Variants in KLF17 observed in about 807,000 individuals in gnomAD.
KLF17 encodes KLF transcription factor 17, also known as Krueppel-like factor 17.
In KLF17, 31 loss-of-function variants were observed where a neutral mutation model predicts 34.2. The ratio of observed to expected loss-of-function variants is 0.91; its 90% CI spans 0.68 to 1.22. The LOEUF is 1.22. KLF17 is among the 50% of genes most tolerant of loss of function. The pLI, the probability that KLF17 is intolerant of heterozygous loss-of-function variation, is 0.00. For missense variants in KLF17, 478 were observed against 505.2 expected (o/e 0.95, Z 0.52); for synonymous variants, 179 against 186.7 (o/e 0.96, Z 0.34).
chr1:44,099,838 AAAGAAAG>A, the KLF17 span, among the ~76,000 whole-genome samples: 1 of 27,346 alleles, frequency 3.7e-5, no homozygotes, highest in Non-Finnish European at 6.4e-5. Flanking sequence ...AGAAAGAAAG[AAAGAAAG>A]AAAGAAAGAA....
chr1:44,117,465 A>ATTTTAT (rs869175404), upstream of KLF17: 7 of 63,422 alleles, frequency 1.1e-4, no homozygotes, highest in Non-Finnish European at 2.2e-4. Flanking sequence ...ATTTTATTTT[A>ATTTTAT]TTTATTTTAT....
the KLF17 span, among the ~76,000 whole-genome samples, chr1:44,057,021 G>A: frequency 1.3e-5 from 2 of 151,954 alleles, no homozygotes; most frequent in African/African-American, 4.8e-5. Flanking sequence ...ATTCCTGCGT[G>A]GAAACCATAG....
the KLF17 span, chr1:44,104,572 G>T: frequency 3.0e-6 from 2 of 660,870 alleles, no homozygotes; most frequent in East Asian, 2.8e-5. Flanking sequence ...GGTTGACTGT[G>T]ACAGCAGTGA....
the KLF17 span, among the ~76,000 whole-genome samples, chr1:44,066,045 T>G: frequency 6.6e-6 from 1 of 152,164 alleles, no homozygotes; most frequent in Non-Finnish European, 1.5e-5. Flanking sequence ...GGCTGGGCAC[T>G]GTGGCTCACA....
At chr1:44,089,889 C>T in the KLF17 span, among the ~76,000 whole-genome samples, 3,158 of 151,996 alleles carry the variant, frequency 0.021, 46 homozygotes, top group African/African-American at 0.04. Context: ...GGGATGGGTG[C>T]GGTGACTCAT....
chr1:44,130,541 A>G lies in KLF17; in HGVS notation c.955A>G (p.Ser319Gly). 6.2e-7 allele frequency: 1 copy of G among 1,614,130 alleles called. No homozygotes were observed. The highest frequency in any genetic ancestry group is 8.5e-7 in the Non-Finnish European group (1 of 1,180,008). The change falls in exon 3 of 4, where the codon AGT (serine) becomes GGT (glycine). Residue 319 changes from serine to glycine, a missense_variant. Ser to Gly is a moderately conservative substitution (Grantham distance 56). Coordinates refer to ENST00000372299, the MANE Select transcript of KLF17 (RefSeq NM_173484.4). ...GAGGCCATATTCTTGCAACTGGGAA[A>G]GTTGTTCATGGTCTTTCTTCCGTTC... ...GERPYSCNWE[S>G]CSWSFFRSDE...
the KLF17 span, chr1:44,076,927 G>C: frequency 6.9e-6 from 1 of 144,846 alleles, no homozygotes; most frequent in African/African-American, 2.6e-5. Flanking sequence ...CATAGAGACA[G>C]GTCTTACTAT....
At chr1:44,099,828 A>AGAAG in the KLF17 span, among the ~76,000 whole-genome samples, 1 of 8,192 alleles carries the variant, frequency 1.2e-4, no homozygotes, top group South Asian at 5.2e-3. Flanking sequence ...AAGAAAAAGA[A>AGAAG]GAAAGAAAGA....
At chr1:44,066,348 A>C in the KLF17 span, among the ~76,000 whole-genome samples, 3 of 147,290 alleles carry the variant, frequency 2.0e-5, no homozygotes, top group East Asian at 1.9e-4. Flanking sequence ...CCTCCCCCCA[A>C]AAAAAACAAC....
chr1:44,044,904 G>A, the KLF17 span: 3,178 of 152,284 alleles, frequency 0.021, 52 homozygotes, highest in Admixed American at 0.034. Flanking sequence ...TTCTCATTTC[G>A]GCTTCTACTT....
the KLF17 span, chr1:44,105,505 C>T: frequency 1.3e-5 from 2 of 152,130 alleles, no homozygotes; most frequent in African/African-American, 4.8e-5. Context: ...AGCAGTGTGG[C>T]CTGGGAAAGG....
At chr1:44,127,303 AC>A (rs1014993188) in intron 1 of KLF17, among the ~76,000 whole-genome samples, 3 of 152,196 alleles carry the variant, frequency 2.0e-5, no homozygotes, top group African/African-American at 7.2e-5. Context: ...ACTGTTTGTT[AC>A]AAAGTAAAAC....
Position 44,127,692 on chromosome 1 carries a change from T to TTCTTTTTCTTTCTTTCTTTCTTTC in KLF17, c.82-1660_82-1659insCTTTTTCTTTCTTTCTTTCTTTCT, listed in dbSNP as rs753421834. Among the ~76,000 whole-genome samples, 193 of 90,088 alleles carry TTCTTTTTCTTTCTTTCTTTCTTTC rather than the reference T, an allele frequency of 2.1e-3. 1 individual carries two copies. The highest frequency in any genetic ancestry group is 4.5e-3 in the South Asian group (10 of 2,200). The allele number at this position is 90,088 out of a possible 152,430, so 59.1% of individuals were successfully genotyped here. ...TTTCTTTCTTTCTTTCTTTCTTTCT[T>TTCTTTTTCTTTCTTTCTTTCTTTC]TTTCTTTCTTTCTTTCTTTCTTCTC... On this transcript the variant is annotated intron_variant, in intron 1 of 3. Coordinates refer to ENST00000372299, the MANE Select transcript of KLF17 (RefSeq NM_173484.4).
chr1:44,061,480 A>G, the KLF17 span, among the ~76,000 whole-genome samples: 1 of 152,178 alleles, frequency 6.6e-6, no homozygotes, highest in Admixed American at 6.5e-5. Context: ...AGACATGCCC[A>G]CCAGTGCCAT....
At chr1:44,047,742 C>A in the KLF17 span, among the ~76,000 whole-genome samples, 1 of 152,054 alleles carries the variant, frequency 6.6e-6, no homozygotes, top group African/African-American at 2.4e-5. Context: ...TCTTAGGTGC[C>A]TGGTACAAGG....
chr1:44,088,749 T>C, the KLF17 span, among the ~76,000 whole-genome samples: 2 of 151,490 alleles, frequency 1.3e-5, no homozygotes, highest in Non-Finnish European at 1.5e-5. Flanking sequence ...CAGGAAGGAG[T>C]GAGATAGATG....
rs540998630 is a variant in KLF17, at chr1:44,131,338, T to C, written c.*582T>C. Among the ~76,000 whole-genome samples, 4 of 152,286 alleles carry C rather than the reference T, an allele frequency of 2.6e-5. 1 individual carries two copies. The South Asian group carries it at 8.3e-4, about 32-fold the overall frequency. ...GTAGAGACTGGGAGCTTCATTAAAA[T>C]GCTCTTTATTTCTTGTCGCTCCCCA... On this transcript the variant is annotated intron_variant, in intron 3 of 3. Transcript: ENST00000372299.
At chr1:44,090,035 G>A in the KLF17 span, among the ~76,000 whole-genome samples, 2 of 151,416 alleles carry the variant, frequency 1.3e-5, no homozygotes, top group African/African-American at 4.9e-5. Flanking sequence ...TACTCGGGGA[G>A]CTGATGCGGG....
the KLF17 span, among the ~76,000 whole-genome samples, chr1:44,052,754 C>T: frequency 4.6e-5 from 7 of 152,180 alleles, no homozygotes; most frequent in Non-Finnish European, 8.8e-5. Flanking sequence ...CAGCAGAGAG[C>T]ATCCTGAAGG....
Sources: gnomAD v4.1 joint callset for allele counts (sites outside exome capture counted in the v4.1 genomes callset) on GRCh38, gnomAD v4.1.1 for gene constraint, MANE v1.5 for transcripts, NCBI Gene and HGNC (gene_info 2026-07-23, HGNC 2026-07-21) for gene names.